GARIN1A: variants seen among roughly 807,000 people sequenced by gnomAD.
GARIN1A encodes Golgi-associated RAB2 interactor protein 1A.
At chr7:128,674,937 A>G in the GARIN1A span, among the ~76,000 whole-genome samples, 2 of 152,142 alleles carry the variant, frequency 1.3e-5, no homozygotes, top group East Asian at 3.9e-4. Flanking sequence ...TCTATTTTCT[A>G]AAAAAAGTGT....
the GARIN1A span, among the ~76,000 whole-genome samples, chr7:128,689,793 T>G: frequency 1.6e-5 from 2 of 127,778 alleles, no homozygotes; most frequent in South Asian, 2.6e-4. Context: ...AGGTGGGGGG[T>G]CAGCCCCCGC....
chr7:128,678,015 CT>C, the GARIN1A span: 26,397 of 167,350 alleles, frequency 0.16, 710 homozygotes, highest in Admixed American at 0.2. Context: ...AGAAATGTTT[CT>C]TTTTTTTTTT....
chr7:128,704,090 A>G, the GARIN1A span, among the ~76,000 whole-genome samples: 1 of 152,200 alleles, frequency 6.6e-6, no homozygotes, highest in Admixed American at 6.5e-5. Flanking sequence ...GAGCTCACTC[A>G]GTTGCTTTGG....
chr7:128,672,540 A>T, the GARIN1A span: 1 of 1,605,156 alleles, frequency 6.2e-7, no homozygotes, highest in Admixed American at 1.7e-5. Context: ...TTTGAAAGCA[A>T]CTTTATCCAG....
chr7:128,680,094 C>A, the GARIN1A span: 3 of 1,581,468 alleles, frequency 1.9e-6, no homozygotes, highest in Non-Finnish European at 2.6e-6. Flanking sequence ...GGCGGCTGAG[C>A]AGACCAGTGG....
chr7:128,688,935 C>G, the GARIN1A span, among the ~76,000 whole-genome samples: 1 of 150,874 alleles, frequency 6.6e-6, no homozygotes, highest in Admixed American at 6.6e-5. Context: ...CGAGTGCCTG[C>G]GATTGCAGGC....
chr7:128,696,994 T>C, the GARIN1A span, among the ~76,000 whole-genome samples: 4 of 152,336 alleles, frequency 2.6e-5, no homozygotes, highest in Admixed American at 2.6e-4. Context: ...CAAGGGAAGA[T>C]GGTACTTTGG....
the GARIN1A span, chr7:128,672,473 C>T: frequency 6.2e-7 from 1 of 1,608,966 alleles, no homozygotes; most frequent in South Asian, 1.1e-5. Flanking sequence ...GGAAAATGGC[C>T]TTCTTTGTCA....
chr7:128,689,943 G>C, the GARIN1A span, among the ~76,000 whole-genome samples: 9 of 152,200 alleles, frequency 5.9e-5, no homozygotes, highest in African/African-American at 2.2e-4. Context: ...CCATGATGAC[G>C]ATGGCGGTTT....
the GARIN1A span, among the ~76,000 whole-genome samples, chr7:128,707,909 CTTCCTTCCTTCCT>C: frequency 1.3e-5 from 2 of 148,630 alleles, no homozygotes; most frequent in African/African-American, 5.0e-5. Flanking sequence ...CTTTTTCTTC[CTTCCTTCCTTCCT>C]TTCCTTCCTT....
the GARIN1A span, chr7:128,679,928 A>T: frequency 0.29 from 174,464 of 601,124 alleles, 26,777 homozygotes; most frequent in East Asian, 0.48. Context: ...TTAGGGTGTG[A>T]AACTCAACTG....
chr7:128,680,621 A>G, the GARIN1A span, among the ~76,000 whole-genome samples: 2 of 147,960 alleles, frequency 1.4e-5, no homozygotes, highest in African/African-American at 2.5e-5. Flanking sequence ...CTGGAGTGCA[A>G]TGGCGTGATG....
At chr7:128,709,131 C>T in the GARIN1A span, 3 of 152,302 alleles carry the variant, frequency 2.0e-5, no homozygotes, top group Non-Finnish European at 4.4e-5. Flanking sequence ...ACCTGAGGAC[C>T]CAGAGCTCAA....
At chr7:128,671,880 G>C in the GARIN1A span, among the ~76,000 whole-genome samples, 1 of 152,084 alleles carries the variant, frequency 6.6e-6, no homozygotes, top group East Asian at 1.9e-4. Context: ...CATGAGATGG[G>C]GTAGGGAAGA....
chr7:128,689,614 A>C, the GARIN1A span, among the ~76,000 whole-genome samples: 1 of 137,928 alleles, frequency 7.3e-6, no homozygotes, highest in Non-Finnish European at 1.6e-5. Flanking sequence ...CCCGTCTGAG[A>C]AGTGAGGAGC....
the GARIN1A span, chr7:128,675,704 CTG>C: frequency 1.9e-6 from 3 of 1,613,834 alleles, no homozygotes; most frequent in African/African-American, 2.7e-5. Flanking sequence ...GGAGAGATGT[CTG>C]TGAAGGGTCT....
At chr7:128,671,994 A>G in the GARIN1A span, among the ~76,000 whole-genome samples, 1 of 152,272 alleles carries the variant, frequency 6.6e-6, no homozygotes, top group East Asian at 1.9e-4. Flanking sequence ...TAAAGCCTGT[A>G]TGTTCCCGAG....
At chr7:128,674,716 G>A in the GARIN1A span, among the ~76,000 whole-genome samples, 1 of 152,076 alleles carries the variant, frequency 6.6e-6, no homozygotes, top group Non-Finnish European at 1.5e-5. Context: ...AGGCTGGTGG[G>A]AAATTACATT....
the GARIN1A span, among the ~76,000 whole-genome samples, chr7:128,692,091 A>G: frequency 6.6e-6 from 1 of 152,166 alleles, no homozygotes; most frequent in South Asian, 2.1e-4. Flanking sequence ...TTCAGTTGGT[A>G]TGAAGAGCTC....
Sources: allele counts gnomAD v4.1 joint callset (sites outside exome capture counted in the v4.1 genomes callset), GRCh38; gene constraint gnomAD v4.1.1; transcripts MANE v1.5; gene names NCBI Gene and HGNC (gene_info 2026-07-23, HGNC 2026-07-21).